Variants in DPYD observed in about 807,000 individuals in gnomAD.
DPYD encodes dihydropyrimidine dehydrogenase [NADP(+)].
Under a neutral mutation model 116.2 loss-of-function variants are expected in DPYD, and 109 were observed. The observed-to-expected ratio is 0.94, with a 90% CI of 0.80 to 1.10. DPYD has a LOEUF of 1.10. Ranked by LOEUF, DPYD falls within the 50% of genes least tolerant of loss-of-function variation. The pLI is 0.00. For synonymous variants in DPYD, 440 were observed against 432.0 expected (o/e 1.02, Z -0.23); for missense variants, 1,302 against 1,254.5 (o/e 1.04, Z -0.57).
chr1:97,219,548 TG>T (rs1384239887), intron 19 of DPYD, among the ~76,000 whole-genome samples: 1 of 152,210 alleles, frequency 6.6e-6, no homozygotes, highest in African/African-American at 2.4e-5. Context: ...GGCACATTTT[TG>T]GGGCCTGTCA....
intron 19 of DPYD, among the ~76,000 whole-genome samples, chr1:97,221,085 A>C (rs1373799481): frequency 6.6e-6 from 1 of 152,196 alleles, no homozygotes; most frequent in Non-Finnish European, 1.5e-5. Context: ...TTGGAAACTG[A>C]AGAAGTCAGG....
At chr1:97,366,867 C>A (rs1209688857) in intron 16 of DPYD, among the ~76,000 whole-genome samples, 1 of 152,124 alleles carries the variant, frequency 6.6e-6, no homozygotes, top group Non-Finnish European at 1.5e-5. Flanking sequence ...CTCCCACATT[C>A]TTTTCTCTAA....
At chr1:97,907,768 C>A (rs1050472850) in intron 1 of DPYD, among the ~76,000 whole-genome samples, 2 of 151,894 alleles carry the variant, frequency 1.3e-5, no homozygotes, top group African/African-American at 4.8e-5. Flanking sequence ...TATCCCAGCT[C>A]CTTTGCAGTT....
chr1:97,498,235 G>A (rs1282930864), intron 13 of DPYD, among the ~76,000 whole-genome samples: 1 of 151,686 alleles, frequency 6.6e-6, no homozygotes, highest in Non-Finnish European at 1.5e-5. Flanking sequence ...TTTGAAATTA[G>A]ATAGTGATGA....
intron 5 of DPYD, among the ~76,000 whole-genome samples, chr1:97,714,655 C>CAAAAAAAAAAAAAAAAA (rs1193831747): frequency 4.0e-5 from 2 of 49,930 alleles, no homozygotes; most frequent in Admixed American, 2.1e-4. Flanking sequence ...AAAGAAAAGA[C>CAAAAAAAAAAAAAAAAA]AAAAAAAAAA....
chr1:97,290,393 A>G (rs1483619586), intron 18 of DPYD, among the ~76,000 whole-genome samples: 2 of 152,176 alleles, frequency 1.3e-5, no homozygotes, highest in Non-Finnish European at 2.9e-5. Context: ...TCCTAAGCCA[A>G]AACAACAAAG....
At chr1:97,147,273 C>G (rs773174070) in intron 20 of DPYD, among the ~76,000 whole-genome samples, 64 of 152,140 alleles carry the variant, frequency 4.2e-4, no homozygotes, top group Non-Finnish European at 8.7e-4. Flanking sequence ...CGCCTGAACT[C>G]AGGAGGCAGA....
intron 16 of DPYD, among the ~76,000 whole-genome samples, chr1:97,313,200 G>T (rs140382165): frequency 3.3e-5 from 5 of 151,992 alleles, no homozygotes; most frequent in Admixed American, 6.6e-5. Flanking sequence ...GCATTCAACA[G>T]TATTGTTGAA....
chr1:97,478,508 G>A (rs557698507), intron 13 of DPYD, among the ~76,000 whole-genome samples: 21 of 152,026 alleles, frequency 1.4e-4, no homozygotes, highest in Non-Finnish European at 2.2e-4. Context: ...GGATGGTCTC[G>A]ATCTCTTGAC....
At chr1:97,435,792 G>A in intron 14 of DPYD, among the ~76,000 whole-genome samples, 1 of 151,754 alleles carries the variant, frequency 6.6e-6, no homozygotes, top group Non-Finnish European at 1.5e-5. Context: ...AATATCTAAA[G>A]AGTATTCCCT....
At chr1:97,584,255 G>A (rs1161125706) in intron 10 of DPYD, among the ~76,000 whole-genome samples, 20 of 151,384 alleles carry the variant, frequency 1.3e-4, no homozygotes, top group Non-Finnish European at 2.4e-4. Context: ...ACTTTTTGAC[G>A]GGGTTGTTTT....
Position 97,660,418 on chromosome 1 carries a change from G to A in DPYD, c.850+18677C>T, listed in dbSNP as rs555140312. ...GGTATCATCCCTAGTTGTTCCCTCT[G>A]TTAAAATAAAATGCTTTATTTATTC... On this transcript the variant is annotated intron_variant, in intron 8 of 22. Coordinates refer to ENST00000370192, the MANE Select transcript of DPYD (RefSeq NM_000110.4). 4.6e-5 allele frequency among the ~76,000 whole-genome samples: 7 copies of A among 152,150 alleles called. No homozygotes were observed. In the East Asian group the frequency reaches 7.7e-4, roughly 17 times the overall value.
At position 97,581,114 on chromosome 1, in the gene DPYD, G is replaced by A. The variant is rs144394398; in HGVS notation, c.1129-7144C>T. Among the ~76,000 whole-genome samples, 17 of 151,854 alleles carry A rather than the reference G, an allele frequency of 1.1e-4. No homozygotes were observed. The East Asian group carries it at 2.9e-3, about 26-fold the overall frequency. On this transcript the variant is annotated intron_variant, in intron 10 of 22. Transcript: ENST00000370192. ...AGGTCTGGAGATCCAGACCATCCTGGCTAGCACGGTGAAACCCTGTCTCTA... is the reference window on the plus strand; with the variant it reads ...AGGTCTGGAGATCCAGACCATCCTGACTAGCACGGTGAAACCCTGTCTCTA...
intron 18 of DPYD, among the ~76,000 whole-genome samples, chr1:97,288,981 G>A (rs1047100733): frequency 1.3e-5 from 2 of 152,026 alleles, no homozygotes; most frequent in African/African-American, 2.4e-5. Flanking sequence ...TCAAATAGAT[G>A]CAATAAAAAA....
intron 2 of DPYD, among the ~76,000 whole-genome samples, 173 bp downstream of exon 2, chr1:97,883,091 G>A (rs1219835583): frequency 6.6e-6 from 1 of 151,918 alleles, no homozygotes; most frequent in Non-Finnish European, 1.5e-5. Flanking sequence ...ATTTTTTAAA[G>A]CAGTGTAATT....
At chr1:97,564,913 T>C (rs551341730) in intron 11 of DPYD, among the ~76,000 whole-genome samples, 1 of 152,264 alleles carries the variant, frequency 6.6e-6, no homozygotes, top group Non-Finnish European at 1.5e-5. Flanking sequence ...TTGCCTTCCA[T>C]GTAAAGAAAC....
intron 20 of DPYD, among the ~76,000 whole-genome samples, chr1:97,175,235 G>A (rs904476050): frequency 6.7e-6 from 1 of 149,426 alleles, no homozygotes; most frequent in African/African-American, 2.6e-5. Flanking sequence ...CTATTCTAGG[G>A]GGTGTGAAGT....
chr1:97,100,304 T>C (rs1214433402), intron 20 of DPYD, among the ~76,000 whole-genome samples: 2 of 152,046 alleles, frequency 1.3e-5, no homozygotes, highest in African/African-American at 4.8e-5. Context: ...GGATTACACT[T>C]GGTGCCAAAA....
chr1:97,399,981 C>A (rs1335769130), intron 14 of DPYD, among the ~76,000 whole-genome samples: 1 of 152,124 alleles, frequency 6.6e-6, no homozygotes, highest in African/African-American at 2.4e-5. Flanking sequence ...ACTTCCAGCA[C>A]TATGTTGAAT....
Sources: gnomAD v4.1 joint callset for allele counts (sites outside exome capture counted in the v4.1 genomes callset) on GRCh38, gnomAD v4.1.1 for gene constraint, MANE v1.5 for transcripts, NCBI Gene and HGNC (gene_info 2026-07-23, HGNC 2026-07-21) for gene names.